SPATS2: variants seen among roughly 807,000 people sequenced by gnomAD.
The protein encoded by SPATS2 is spermatogenesis associated serine rich 2.
SPATS2 carries 38 observed loss-of-function variants against 63.7 expected under a neutral mutation model. The ratio of observed to expected loss-of-function variants is 0.60; its 90% CI spans 0.46 to 0.78. SPATS2 has a LOEUF of 0.78. Ranked by LOEUF, SPATS2 falls within the 30% of genes least tolerant of loss-of-function variation. SPATS2 has a pLI of 0.00. For missense variants in SPATS2, 588 were observed against 666.2 expected (o/e 0.88, Z 1.29); for synonymous variants, 207 against 232.9 (o/e 0.89, Z 1.01).
chr12:49,395,014 A>G (rs1944484233), intron 2 of SPATS2, among the ~76,000 whole-genome samples: 1 of 151,924 alleles, frequency 6.6e-6, no homozygotes, highest in Non-Finnish European at 1.5e-5. Flanking sequence ...CGGAGGTTGC[A>G]GTGAGCCGAG....
intron 9 of SPATS2, among the ~76,000 whole-genome samples, chr12:49,509,996 C>CCTAT (rs1946722877): frequency 6.6e-6 from 1 of 151,852 alleles, no homozygotes. Context: ...GTGGCTCATA[C>CCTAT]CTATAATCCC....
chr12:49,435,584 C>T (rs900593891), intron 2 of SPATS2, among the ~76,000 whole-genome samples: 3 of 151,732 alleles, frequency 2.0e-5, no homozygotes, highest in African/African-American at 7.3e-5. Context: ...CCTCAGCCTC[C>T]CAAAGTGCTA....
At chr12:49,393,731 G>T (rs1233760812) in intron 2 of SPATS2, among the ~76,000 whole-genome samples, 1 of 152,084 alleles carries the variant, frequency 6.6e-6, no homozygotes, top group Non-Finnish European at 1.5e-5. Flanking sequence ...TGGCTCCTTT[G>T]TCCTTTTGAT....
intron 2 of SPATS2, among the ~76,000 whole-genome samples, chr12:49,379,237 GT>G (rs781351928): frequency 2.1e-4 from 31 of 150,642 alleles, no homozygotes; most frequent in Non-Finnish European, 3.7e-4. Context: ...TTATTTTTGA[GT>G]TGAAATTCAT....
chr12:49,522,683 A>G (rs1309558290), intron 11 of SPATS2, 68 bp from the exon 12 acceptor site: 2 of 1,275,488 alleles, frequency 1.6e-6, no homozygotes, highest in African/African-American at 1.5e-5. Context: ...TTTAATCTGT[A>G]TAGCAAGTTA....
chr12:49,403,642 A>C (rs3037404), intron 2 of SPATS2, among the ~76,000 whole-genome samples: 2,085 of 118,010 alleles, frequency 0.018, 45 homozygotes, highest in African/African-American at 0.06. Context: ...CACACACACA[A>C]ACAAAACTGG....
chr12:49,504,364 C>T (rs995419154), intron 9 of SPATS2, among the ~76,000 whole-genome samples: 1 of 152,138 alleles, frequency 6.6e-6, no homozygotes, highest in Non-Finnish European at 1.5e-5. Flanking sequence ...TCTCTAGACC[C>T]AAGTTTACTT....
At chr12:49,516,424 T>G (rs981694811) in intron 10 of SPATS2, among the ~76,000 whole-genome samples, 1 of 150,688 alleles carries the variant, frequency 6.6e-6, no homozygotes, top group African/African-American at 2.4e-5. Flanking sequence ...ATAGAAAATT[T>G]TGGCCGGGTG....
chr12:49,484,831 C>T (rs1175488475), intron 4 of SPATS2, among the ~76,000 whole-genome samples, 162 bp downstream of exon 4: 1 of 152,100 alleles, frequency 6.6e-6, no homozygotes, highest in Non-Finnish European at 1.5e-5. Context: ...GTTCTGATTG[C>T]GCAGAACCTA....
At chr12:49,406,986 C>G (rs1350277682) in intron 2 of SPATS2, among the ~76,000 whole-genome samples, 2 of 152,212 alleles carry the variant, frequency 1.3e-5, no homozygotes, top group Non-Finnish European at 2.9e-5. Flanking sequence ...ATATAATAGG[C>G]ATCTCACACT....
chr12:49,503,074 T>A (rs933593188), intron 9 of SPATS2, among the ~76,000 whole-genome samples: 2 of 152,178 alleles, frequency 1.3e-5, no homozygotes, highest in African/African-American at 4.8e-5. Flanking sequence ...AAGAGCTGGC[T>A]GGGCACAGTG....
chr12:49,513,070 C>G (rs1946777672), intron 9 of SPATS2, among the ~76,000 whole-genome samples: 1 of 152,172 alleles, frequency 6.6e-6, no homozygotes, highest in Non-Finnish European at 1.5e-5. Flanking sequence ...TCTGGCACTT[C>G]CCTATAAAAG....
intron 2 of SPATS2, among the ~76,000 whole-genome samples, chr12:49,376,092 ATTTTTT>A (rs749954777): frequency 0.028 from 2,247 of 81,030 alleles, 38 homozygotes; most frequent in South Asian, 0.038. Flanking sequence ...ACCTGGCCTG[ATTTTTT>A]TTTTTTTTTT....
chr12:49,415,262 C>T (rs964881135), intron 2 of SPATS2, among the ~76,000 whole-genome samples: 3 of 151,924 alleles, frequency 2.0e-5, no homozygotes, highest in African/African-American at 7.3e-5. Context: ...TCAGGCTGGT[C>T]TCAAACTCCT....
intron 9 of SPATS2, among the ~76,000 whole-genome samples, chr12:49,513,981 C>A (rs1200694938): frequency 1.3e-5 from 2 of 152,030 alleles, no homozygotes. Flanking sequence ...ACGGTGAAAC[C>A]CCATCTCTAC....
chr12:49,382,376 C>G (rs1222599233), intron 2 of SPATS2, among the ~76,000 whole-genome samples: 3 of 152,236 alleles, frequency 2.0e-5, no homozygotes, highest in Non-Finnish European at 4.4e-5. Context: ...TTTTCTTCCC[C>G]ATGGATAGCA....
rs56940721 is a variant in SPATS2, at chr12:49,372,940, T to TTGTG, written c.-244+1699_-244+1702dup. ...CTAGCCTCTCATTTGATTTTCTGTT[T>TTGTG]TGTGTGTGTGTGTGTGTGTGTGTGT... On this transcript the variant is annotated intron_variant, in intron 2 of 13. Coordinates refer to ENST00000552918, the MANE Select transcript of SPATS2 (RefSeq NM_023071.4). 6.9e-3 allele frequency among the ~76,000 whole-genome samples: 895 copies of TTGTG among 130,110 alleles called. 4 individuals are homozygous for TTGTG. Among genetic ancestry groups the TTGTG allele is most frequent in the Non-Finnish European group, 9.3e-3 (572 of 61,498 alleles). 85.4% of individuals were successfully genotyped at this position (130,110 alleles called of 152,430 possible).
intron 3 of SPATS2, among the ~76,000 whole-genome samples, chr12:49,476,170 T>A (rs1946113928): frequency 6.6e-6 from 1 of 152,136 alleles, no homozygotes; most frequent in Admixed American, 6.5e-5. Context: ...CACAGGTGGC[T>A]GGACGTGGAG....
Position 49,460,996 on chromosome 12 carries a change from A to G in SPATS2, c.-17A>G, listed in dbSNP as rs564451722. ...GGATACTTTTCTTGTATATTTTTTG[A>G]GATCGAAGAAACGACAATGTCCAGG... On this transcript the variant is annotated 5_prime_UTR_variant, in exon 3 of 14. Transcript: ENST00000552918. 6 of 1,613,618 alleles carry G rather than the reference A, an allele frequency of 3.7e-6. No individual in the cohort carries two copies. In the South Asian group the frequency reaches 6.6e-5, roughly 18 times the overall value.
Sources: gnomAD v4.1 joint callset for allele counts (sites outside exome capture counted in the v4.1 genomes callset) on GRCh38, gnomAD v4.1.1 for gene constraint, MANE v1.5 for transcripts, NCBI Gene and HGNC (gene_info 2026-07-23, HGNC 2026-07-21) for gene names.